Variants in CABP1 observed in about 807,000 individuals in gnomAD.
The protein encoded by CABP1 is calcium binding protein 1, also known as calcium-binding protein 1.
A neutral mutation model predicts 34.3 loss-of-function variants in CABP1; 17 were observed. The ratio of observed to expected loss-of-function variants is 0.50; its 90% CI spans 0.34 to 0.74. The LOEUF (loss-of-function observed/expected upper bound fraction) is 0.74. Among genes scored for constraint, CABP1 ranks in the 30% least tolerant of loss-of-function variants. The pLI is 0.01. For synonymous variants in CABP1, 198 were observed against 229.2 expected (o/e 0.86, Z 1.23); for missense variants, 373 against 511.1 (o/e 0.73, Z 2.61).
intron 1 of CABP1, among the ~76,000 whole-genome samples, chr12:120,643,295 G>A (rs1374573447): frequency 6.6e-6 from 1 of 152,156 alleles, no homozygotes; most frequent in Non-Finnish European, 1.5e-5. Context: ...ACACCTCGAA[G>A]TCATCTACGT....
chr12:120,646,463 T>A (rs1466921928), intron 1 of CABP1, among the ~76,000 whole-genome samples: 1 of 152,160 alleles, frequency 6.6e-6, no homozygotes, highest in Non-Finnish European at 1.5e-5. Flanking sequence ...GGTGAGGGCA[T>A]ACAACATGCT....
the CABP1 span, among the ~76,000 whole-genome samples, chr12:120,673,557 C>T: frequency 6.6e-6 from 1 of 152,022 alleles, no homozygotes; most frequent in African/African-American, 2.4e-5. Context: ...CACTGCACTC[C>T]AGCCTGGGTG....
intron 1 of CABP1, among the ~76,000 whole-genome samples, chr12:120,645,125 G>A (rs963957500): frequency 7.2e-5 from 11 of 152,118 alleles, no homozygotes; most frequent in African/African-American, 2.2e-4. Context: ...GTTGAGATGG[G>A]GAGAGAGGCC....
downstream of CABP1, among the ~76,000 whole-genome samples, chr12:120,667,841 G>A (rs189115459): frequency 3.3e-5 from 5 of 152,236 alleles, no homozygotes; most frequent in African/African-American, 1.2e-4. Context: ...ATTCTCATCC[G>A]TGGGCCAGAA....
rs1593151635 is a variant in CABP1, at chr12:120,640,949, C to T, written c.264C>T (p.His88=). Residue 88 remains histidine, a synonymous_variant, in exon 1 of 6, where the codon CAC becomes CAT. Transcript: ENST00000316803. The surrounding 1 kb of genome is among the most constrained non-coding windows in gnomAD (Gnocchi z 6.2). ...AASGGSRAPR[H]GPARDPGLPS... is the part of the protein sequence containing the mutation. ...GCGGGGGCAGCCGGGCTCCCCGCCACGGCCCTGCCCGGGACCCGGGGCTGC... is the reference window on the plus strand; with the variant it reads ...GCGGGGGCAGCCGGGCTCCCCGCCATGGCCCTGCCCGGGACCCGGGGCTGC... 8.8e-7 allele frequency: 1 copy of T among 1,135,286 alleles called. No individual in the cohort carries two copies. The highest frequency in any genetic ancestry group is 1.1e-6 in the Non-Finnish European group (1 of 926,512). 70.3% of individuals were successfully genotyped at this position (1,135,286 alleles called of 1,614,324 possible).
chr12:120,673,873 C>T, the CABP1 span, among the ~76,000 whole-genome samples: 5 of 152,156 alleles, frequency 3.3e-5, no homozygotes, highest in African/African-American at 9.7e-5. Context: ...GTGCCTGGCA[C>T]GCAGTAAGCA....
At chr12:120,672,943 T>C in the CABP1 span, among the ~76,000 whole-genome samples, 2 of 152,084 alleles carry the variant, frequency 1.3e-5, no homozygotes, top group Non-Finnish European at 2.9e-5. Flanking sequence ...GGAACGAGAA[T>C]AGCTTGAACC....
Position 120,640,750 on chromosome 12 carries a change from T to G in CABP1, c.65T>G (p.Leu22Arg). ...PGDGARLQRV[L>R]GLGSRREPRS... is the part of the protein sequence containing the mutation. ...GACGGCGCCCGCCTCCAGCGCGTCC[T>G]CGGGCTTGGCTCCCGCCGGGAGCCC... The change falls in exon 1 of 6, where the codon CTC becomes CGC. Residue 22 changes from leucine to arginine, a missense_variant. Physicochemically the swap from Leu to Arg is moderately radical, Grantham distance 102. This residue lies in a region of CABP1 where 134 missense variants were observed against 145.4 expected (regional missense o/e 0.92). Coordinates refer to ENST00000316803, the MANE Select transcript of CABP1 (RefSeq NM_001033677.2). The surrounding 1 kb of genome is among the most constrained non-coding windows in gnomAD (Gnocchi z 6.2). 2 of 1,174,346 alleles carry G rather than the reference T, an allele frequency of 1.7e-6. No individual in the cohort carries two copies. Among genetic ancestry groups the G allele is most frequent in the Non-Finnish European group, 2.1e-6 (2 of 951,660 alleles). The allele number at this position is 1,174,346 out of a possible 1,614,324, so 72.7% of individuals were successfully genotyped here. A position where few individuals can be genotyped will look rare whatever the true frequency, so the allele number is the denominator to read the frequency against.
intron 1 of CABP1, chr12:120,655,842 T>C: frequency 6.5e-7 from 1 of 1,532,852 alleles, no homozygotes; most frequent in Non-Finnish European, 8.7e-7. Flanking sequence ...TGTGTGTGTG[T>C]GTGTGTGTGC....
At chr12:120,669,478 C>T (rs12229164), downstream of CABP1, among the ~76,000 whole-genome samples, 2,973 of 152,320 alleles carry the variant, frequency 0.02, 173 homozygotes, top group East Asian at 0.23. Context: ...CCCCCAGGAA[C>T]ACCACTCAGG....
intron 1 of CABP1, among the ~76,000 whole-genome samples, chr12:120,652,678 C>T (rs1836421599): frequency 6.6e-6 from 1 of 152,208 alleles, no homozygotes; most frequent in African/African-American, 2.4e-5. Flanking sequence ...TCCCGCTCAG[C>T]GCATCAGTCC....
At chr12:120,650,537 G>A in intron 1 of CABP1, 1 of 1,602,550 alleles carries the variant, frequency 6.2e-7, no homozygotes, top group Non-Finnish European at 8.5e-7. Context: ...CACAGACGGA[G>A]GGAGGCTGGG....
At chr12:120,663,758 G>A (rs1880797933) in intron 5 of CABP1, among the ~76,000 whole-genome samples, 1 of 152,198 alleles carries the variant, frequency 6.6e-6, no homozygotes. Flanking sequence ...GCTCAGAGAA[G>A]TAATATAACT....
the CABP1 span, among the ~76,000 whole-genome samples, chr12:120,673,050 G>T: frequency 2.2e-4 from 34 of 151,582 alleles, no homozygotes; most frequent in African/African-American, 7.8e-4. Flanking sequence ...AAAAGAAAAA[G>T]ATTTTTAAAA....
At position 120,661,594 on chromosome 12, in the gene CABP1, C is replaced by T. The variant is rs550030383; in HGVS notation, c.1087+376C>T. The T allele has an allele frequency of 1.1e-5, 2 of 186,400 alleles. No homozygotes were observed. Among genetic ancestry groups the T allele is most frequent in the Non-Finnish European group, 2.2e-5 (2 of 90,404 alleles). 11.5% of individuals were successfully genotyped at this position (186,400 alleles called of 1,614,324 possible). On this transcript the variant is annotated intron_variant, in intron 5 of 5. Transcript: ENST00000316803. The surrounding 1 kb of genome is among the most constrained non-coding windows in gnomAD (Gnocchi z 5.1). ...TCCATTTATCCATTCATCCATTCAT[C>T]TACCTATCTATCTATCTGTCCATCA... is the stretch of plus-strand genomic sequence containing the variant.
chr12:120,653,035 G>T (rs1019578251), intron 1 of CABP1, among the ~76,000 whole-genome samples: 7 of 152,196 alleles, frequency 4.6e-5, no homozygotes, highest in Non-Finnish European at 1.0e-4. Flanking sequence ...GGGCAACTTG[G>T]TGTTAGGCAG....
chr12:120,667,181 TG>T lies in CABP1; in HGVS notation c.*283del, dbSNP rs1407139880. The T allele has an allele frequency of 3.8e-5, 21 of 554,342 alleles. No individual in the cohort carries two copies. Among genetic ancestry groups the T allele is most frequent in the Non-Finnish European group, 6.8e-5 (21 of 308,668 alleles). 34.3% of individuals were successfully genotyped at this position (554,342 alleles called of 1,614,324 possible). ...CAAGGGCCATGTGCCCAGCTGCTGCTGGCTGGGTGGGCCAGGGAGCCCGCCA... is the reference window on the plus strand; with the variant it reads ...CAAGGGCCATGTGCCCAGCTGCTGCTGCTGGGTGGGCCAGGGAGCCCGCCA... On this transcript the variant is annotated 3_prime_UTR_variant, in exon 6 of 6. Transcript: ENST00000316803.
downstream of CABP1, among the ~76,000 whole-genome samples, chr12:120,670,228 C>T (rs747662659): frequency 3.0e-4 from 45 of 152,194 alleles, no homozygotes; most frequent in Non-Finnish European, 5.7e-4. Flanking sequence ...CTCCTGGCCT[C>T]AAGGGATCCT....
chr12:120,662,917 T>C (rs1880745591), intron 5 of CABP1, among the ~76,000 whole-genome samples: 1 of 152,034 alleles, frequency 6.6e-6, no homozygotes. Flanking sequence ...ACTCCTGAAC[T>C]CAGGTGATCC....
Sources: allele counts gnomAD v4.1 joint callset (sites outside exome capture counted in the v4.1 genomes callset), GRCh38; gene constraint gnomAD v4.1.1; regional missense constraint gnomAD v4.1.1; non-coding constraint Gnocchi (gnomAD v3.1); transcripts MANE v1.5; gene names NCBI Gene and HGNC (gene_info 2026-07-23, HGNC 2026-07-21).